Variants in BICD1 observed in about 807,000 individuals in gnomAD.
The protein encoded by BICD1 is protein bicaudal D homolog 1.
Under a neutral mutation model 92.5 loss-of-function variants are expected in BICD1, and 35 were observed. The observed-to-expected ratio is 0.38, with a 90% CI of 0.29 to 0.50. The LOEUF is 0.50. Among genes scored for constraint, BICD1 ranks in the 20% least tolerant of loss-of-function variants. BICD1 has a pLI of 0.93. For synonymous variants in BICD1, 429 were observed against 465.1 expected (o/e 0.92, Z 1.00); for missense variants, 950 against 1,189.8 (o/e 0.80, Z 2.97).
At chr12:32,288,043 A>G (rs1947620866) in intron 2 of BICD1, among the ~76,000 whole-genome samples, 1 of 152,154 alleles carries the variant, frequency 6.6e-6, no homozygotes, top group Admixed American at 6.5e-5. Context: ...AGCATGAGCC[A>G]CAAAGCCCCG....
At chr12:32,218,350 C>T (rs186862602) in intron 2 of BICD1, among the ~76,000 whole-genome samples, 4 of 152,292 alleles carry the variant, frequency 2.6e-5, no homozygotes, top group Admixed American at 2.6e-4. Context: ...ACCTGGAGAA[C>T]TCATCAGACC....
At chr12:32,283,089 T>C (rs539219525) in intron 2 of BICD1, among the ~76,000 whole-genome samples, 1 of 152,166 alleles carries the variant, frequency 6.6e-6, no homozygotes, top group Admixed American at 6.5e-5. Context: ...GGGGTTTTTT[T>C]CCCCCTTAAG....
chr12:32,166,334 C>T (rs1943771375), intron 1 of BICD1, among the ~76,000 whole-genome samples: 1 of 151,568 alleles, frequency 6.6e-6, no homozygotes, highest in African/African-American at 2.4e-5. Flanking sequence ...CGGGGTTTCA[C>T]CACGTTGGTC....
intron 1 of BICD1, among the ~76,000 whole-genome samples, chr12:32,183,544 C>T (rs371535963): frequency 1.2e-4 from 18 of 152,254 alleles, no homozygotes; most frequent in South Asian, 1.0e-3. Flanking sequence ...GCATTATAGG[C>T]GTGAGCCACT....
At chr12:32,180,214 G>A (rs951073172) in intron 1 of BICD1, among the ~76,000 whole-genome samples, 9 of 151,704 alleles carry the variant, frequency 5.9e-5, no homozygotes, top group Non-Finnish European at 8.8e-5. Flanking sequence ...TCAGCTCTGC[G>A]ACTCCTCTTA....
chr12:32,180,385 C>T (rs1944236815), intron 1 of BICD1, among the ~76,000 whole-genome samples: 1 of 151,800 alleles, frequency 6.6e-6, no homozygotes, highest in Non-Finnish European at 1.5e-5. Context: ...ACTCAGAGGC[C>T]TTAAAATAGG....
Position 32,235,430 on chromosome 12 carries a change from C to A in BICD1, c.426+18971C>A, listed in dbSNP as rs573709501. ...TTCCAATGAAATGATGTTTCACAAC[C>A]TTTTCTTCATTATCATCTCTGAAAA... is the stretch of plus-strand genomic sequence containing the variant. On this transcript the variant is annotated intron_variant, in intron 2 of 9. Coordinates refer to ENST00000652176, the MANE Select transcript of BICD1 (RefSeq NM_001714.4). 1.2e-3 allele frequency among the ~76,000 whole-genome samples: 176 copies of A among 152,214 alleles called. 4 individuals carry two copies. Among genetic ancestry groups the A allele is most frequent in the Admixed American group, 4.7e-3 (72 of 15,278 alleles).
intron 1 of BICD1, among the ~76,000 whole-genome samples, chr12:32,182,893 T>C (rs1469611126): frequency 4.8e-5 from 7 of 144,980 alleles, no homozygotes; most frequent in African/African-American, 1.8e-4. Flanking sequence ...TTTCTTTCTT[T>C]TTTTTTTTTT....
intron 1 of BICD1, among the ~76,000 whole-genome samples, chr12:32,182,274 C>CT (rs1944292915): frequency 3.5e-5 from 3 of 84,990 alleles, no homozygotes; most frequent in African/African-American, 7.3e-5. Flanking sequence ...TTCTTTCTTT[C>CT]TTTCTTTTTT....
At chr12:32,256,238 C>T (rs1387675240) in intron 2 of BICD1, among the ~76,000 whole-genome samples, 6 of 151,980 alleles carry the variant, frequency 3.9e-5, no homozygotes, top group South Asian at 2.1e-4. Flanking sequence ...TTTTTTGAGA[C>T]GGGTTTTTGC....
intron 1 of BICD1, among the ~76,000 whole-genome samples, chr12:32,113,542 T>A (rs935985988): frequency 2.6e-5 from 4 of 151,500 alleles, no homozygotes; most frequent in African/African-American, 9.7e-5. Context: ...CATGCCACCA[T>A]GCCTGGCTAA....
chr12:32,164,456 A>G (rs1943694483), intron 1 of BICD1, among the ~76,000 whole-genome samples: 1 of 152,238 alleles, frequency 6.6e-6, no homozygotes, highest in African/African-American at 2.4e-5. Context: ...GTTTACTACC[A>G]CGCAATCCTA....
intron 3 of BICD1, among the ~76,000 whole-genome samples, chr12:32,302,377 T>C (rs1341370020): frequency 6.6e-6 from 1 of 152,052 alleles, no homozygotes; most frequent in African/African-American, 2.4e-5. Context: ...ATGTCTGAAT[T>C]GGTGGAAGGG....
At chr12:32,262,369 T>G (rs1946881926) in intron 2 of BICD1, among the ~76,000 whole-genome samples, 1 of 152,178 alleles carries the variant, frequency 6.6e-6, no homozygotes, top group African/African-American at 2.4e-5. Flanking sequence ...GCCCCATCCC[T>G]GGTACTAGCA....
chr12:32,345,810 T>A (rs1938542658), intron 8 of BICD1, among the ~76,000 whole-genome samples: 1 of 152,152 alleles, frequency 6.6e-6, no homozygotes, highest in Non-Finnish European at 1.5e-5. Context: ...ATATAAACCA[T>A]ATATGTAAAT....
At chr12:32,346,550 A>ATATATATACGTG (rs1938583314) in intron 8 of BICD1, among the ~76,000 whole-genome samples, 2 of 27,658 alleles carry the variant, frequency 7.2e-5, no homozygotes, top group African/African-American at 5.3e-4. Flanking sequence ...ATATATATAT[A>ATATATATACGTG]TATATATATA....
intron 2 of BICD1, among the ~76,000 whole-genome samples, chr12:32,285,850 A>C (rs1264895001): frequency 6.6e-6 from 1 of 152,206 alleles, no homozygotes; most frequent in Non-Finnish European, 1.5e-5. Flanking sequence ...AAGAAAAAAA[A>C]ATTGTAGGAG....
intron 2 of BICD1, among the ~76,000 whole-genome samples, chr12:32,238,230 A>G (rs1000497549): frequency 1.1e-4 from 16 of 149,560 alleles, no homozygotes; most frequent in South Asian, 8.4e-4. Context: ...TGAGACCCCC[A>G]TCTCCTAAAA....
At chr12:32,271,790 A>G (rs1947148015) in intron 2 of BICD1, among the ~76,000 whole-genome samples, 1 of 152,194 alleles carries the variant, frequency 6.6e-6, no homozygotes, top group Admixed American at 6.5e-5. Flanking sequence ...TTTAAAGTTG[A>G]TAATTTTCAG....
Sources: allele counts gnomAD v4.1 joint callset (sites outside exome capture counted in the v4.1 genomes callset), GRCh38; gene constraint gnomAD v4.1.1; transcripts MANE v1.5; gene names NCBI Gene and HGNC (gene_info 2026-07-23, HGNC 2026-07-21).